FOXK2: variants seen among roughly 807,000 people sequenced by gnomAD.
The protein encoded by FOXK2 is forkhead box K2, also known as forkhead box protein K2.
In FOXK2, 24 loss-of-function variants were observed where a neutral mutation model predicts 53.3. The ratio of observed to expected loss-of-function variants is 0.45; its 90% CI spans 0.33 to 0.63. The LOEUF (loss-of-function observed/expected upper bound fraction) is 0.63, where lower values mean the gene tolerates loss of function less well. Among genes scored for constraint, FOXK2 ranks in the 30% least tolerant of loss-of-function variants. The probability of loss-of-function intolerance (pLI) is 0.03; values close to 1 mark genes in which losing one functional copy is unlikely to be tolerated. For synonymous variants in FOXK2, 505 were observed against 407.1 expected (o/e 1.24, Z -2.89); for missense variants, 952 against 910.5 (o/e 1.05, Z -0.59).
chr17:82,604,189 G>A lies in FOXK2; in HGVS notation c.*2690G>A, dbSNP rs540989708. ...CAACTTCTGAGCTCCTCAGGGACTA[G>A]GAACAATTTCAGTAGCTTTGCCCTG... is the stretch of plus-strand genomic sequence containing the variant. On this transcript the variant is annotated 3_prime_UTR_variant, in exon 9 of 9. Coordinates refer to ENST00000335255, the MANE Select transcript of FOXK2 (RefSeq NM_004514.4). 1.3e-5 allele frequency: 2 copies of A among 152,242 alleles called. No homozygotes were observed. Among genetic ancestry groups the A allele is most frequent in the African/African-American group, 4.8e-5 (2 of 41,414 alleles). 9.4% of individuals were successfully genotyped at this position (152,242 alleles called of 1,614,324 possible). A position where few individuals can be genotyped will look rare whatever the true frequency, so the allele number is the denominator to read the frequency against.
chr17:82,552,841 C>T lies in FOXK2; in HGVS notation c.420-10513C>T, dbSNP rs79894003. Among the ~76,000 whole-genome samples, 789 of 152,334 alleles carry T rather than the reference C, an allele frequency of 5.2e-3. 4 individuals are homozygous for T. Among genetic ancestry groups the T allele is most frequent in the African/African-American group, 0.018 (753 of 41,578 alleles). ...GACCTCTGCAGCCACTCTGCTCAAG[C>T]GTCTCCGCGTGCTCTGCAAGGCTCC... On this transcript the variant is annotated intron_variant, in intron 1 of 8. Coordinates refer to ENST00000335255, the MANE Select transcript of FOXK2 (RefSeq NM_004514.4).
At chr17:82,575,459 G>A (rs2044971170) in intron 4 of FOXK2, among the ~76,000 whole-genome samples, 1 of 152,076 alleles carries the variant, frequency 6.6e-6, no homozygotes, top group South Asian at 2.1e-4. Context: ...AAAGCACACG[G>A]CATATAGTAC....
At chr17:82,574,752 C>T (rs1366088982) in intron 4 of FOXK2, among the ~76,000 whole-genome samples, 1 of 152,184 alleles carries the variant, frequency 6.6e-6, no homozygotes, top group Non-Finnish European at 1.5e-5. Context: ...TTCTGACTTC[C>T]TCCCTCCTGG....
chr17:82,583,988 C>T (rs1185850712), intron 5 of FOXK2, 25 bp from the exon 6 acceptor site: 25 of 1,566,562 alleles, frequency 1.6e-5, no homozygotes, highest in Non-Finnish European at 2.2e-5. Context: ...TGTAACCATG[C>T]AATGTCTTCT....
intron 8 of FOXK2, chr17:82,587,680 A>G (rs2045204965): frequency 3.4e-6 from 1 of 295,198 alleles, no homozygotes; most frequent in African/African-American, 2.2e-5. Flanking sequence ...CTTTGCTCTC[A>G]GAGTCCGTCC....
intron 1 of FOXK2, among the ~76,000 whole-genome samples, chr17:82,522,747 C>T (rs1175228962): frequency 1.3e-5 from 2 of 152,106 alleles, no homozygotes; most frequent in Non-Finnish European, 2.9e-5. Context: ...TCTGCACATG[C>T]TAACATGATA....
At chr17:82,537,076 G>T (rs2044527733) in intron 1 of FOXK2, among the ~76,000 whole-genome samples, 1 of 152,168 alleles carries the variant, frequency 6.6e-6, no homozygotes, top group African/African-American at 2.4e-5. Flanking sequence ...AAGCTTAGCG[G>T]TTGGTTGTAG....
At chr17:82,563,325 G>T (rs758421844) in intron 1 of FOXK2, 29 bp from the exon 2 acceptor site, 1 of 1,599,458 alleles carries the variant, frequency 6.3e-7, no homozygotes, top group Non-Finnish European at 8.5e-7. Flanking sequence ...AACAGCAAAA[G>T]GTGCTGATGG....
chr17:82,601,153 G>C, intron 8 of FOXK2, 150 bp from the exon 9 acceptor site: 1 of 829,572 alleles, frequency 1.2e-6, no homozygotes, highest in Non-Finnish European at 1.8e-6. Flanking sequence ...GAGCCTCCGC[G>C]GGCCTGGGAG....
intron 1 of FOXK2, among the ~76,000 whole-genome samples, chr17:82,542,833 A>G (rs1394634689): frequency 2.0e-5 from 3 of 152,142 alleles, no homozygotes; most frequent in African/African-American, 4.8e-5. Context: ...TCTAAGGAAC[A>G]TAGTAGGACC....
Position 82,587,194 on chromosome 17 carries a change from C to T in FOXK2, c.1708C>T (p.Leu570=). Reference sequence around the variant, plus strand: ...ACAGGCACCTCTAGGTCAACACCAGCTACCAATAAAAACTGTAACACAAAA... The same window carrying T: ...ACAGGCACCTCTAGGTCAACACCAGTTACCAATAAAAACTGTAACACAAAA... ...VQQAPLGQHQ[L]PIKTVTQNGT... The change falls in exon 8 of 9, where the codon CTA becomes TTA. Residue 570 remains leucine, a synonymous_variant. Coordinates refer to ENST00000335255, the MANE Select transcript of FOXK2 (RefSeq NM_004514.4). 6.2e-7 allele frequency: 1 copy of T among 1,613,108 alleles called. No individual in the cohort carries two copies. The highest frequency in any genetic ancestry group is 8.5e-7 in the Non-Finnish European group (1 of 1,180,028).
intron 1 of FOXK2, among the ~76,000 whole-genome samples, chr17:82,535,025 G>A (rs926102439): frequency 3.9e-5 from 6 of 152,148 alleles, no homozygotes; most frequent in African/African-American, 1.4e-4. Flanking sequence ...GATTACAGAT[G>A]CCTGCCACCA....
rs747492293 is a variant in FOXK2 at position 82,582,914 on chromosome 17, T to C, written c.1083T>C (p.Pro361=). 5 of 1,595,064 alleles carry C rather than the reference T, an allele frequency of 3.1e-6. No homozygotes were observed. The Admixed American group carries it at 9.2e-5, about 29-fold the overall frequency. Residue 361 remains proline (P), a synonymous_variant, in exon 5 of 9, where the codon CCT becomes CCC. Transcript: ENST00000335255. ...GGGGCGTGCCCTGCTTTAGAACCCC[T>C]CTGGGACCGCTCTCTTCTAGGTAAG... ...RPRGVPCFRT[P]LGPLSSRSAP...
chr17:82,577,116 C>G (rs544502866), intron 4 of FOXK2: 1 of 554,546 alleles, frequency 1.8e-6, no homozygotes, highest in Non-Finnish European at 3.3e-6. Flanking sequence ...GAGCTGATAC[C>G]GCGTCATTGC....
At chr17:82,583,181 A>T (rs191098804) in intron 5 of FOXK2, among the ~76,000 whole-genome samples, 23 of 152,370 alleles carry the variant, frequency 1.5e-4, no homozygotes, top group Admixed American at 9.1e-4. Flanking sequence ...CATGGGGCTC[A>T]TCGCATGTTG....
At chr17:82,572,998 C>T (rs1292164376) in intron 4 of FOXK2, among the ~76,000 whole-genome samples, 2 of 152,012 alleles carry the variant, frequency 1.3e-5, no homozygotes, top group Non-Finnish European at 2.9e-5. Flanking sequence ...CGAGAGCAGC[C>T]TGGGCAACAT....
At chr17:82,520,455 G>T in intron 1 of FOXK2, 148 bp downstream of exon 1, 1 of 675,256 alleles carries the variant, frequency 1.5e-6, no homozygotes, top group Non-Finnish European at 2.1e-6. Flanking sequence ...CCAGGCCCCG[G>T]CTGGATCCCA....
At chr17:82,597,512 C>T (rs2045326857) in intron 8 of FOXK2, among the ~76,000 whole-genome samples, 1 of 152,232 alleles carries the variant, frequency 6.6e-6, no homozygotes, top group Non-Finnish European at 1.5e-5. Context: ...ACCTCTGCTT[C>T]AGGGCCGGGC....
At chr17:82,532,655 T>G (rs117093174) in intron 1 of FOXK2, among the ~76,000 whole-genome samples, 26,815 of 152,070 alleles carry the variant, frequency 0.18, 2,744 homozygotes, top group Non-Finnish European at 0.24. Context: ...GGTGTGATTG[T>G]GGCTCACTGC....
Sources: gnomAD v4.1 joint callset for allele counts (sites outside exome capture counted in the v4.1 genomes callset) on GRCh38, gnomAD v4.1.1 for gene constraint, MANE v1.5 for transcripts, NCBI Gene and HGNC (gene_info 2026-07-23, HGNC 2026-07-21) for gene names.